The following DYNC2I2 variants were observed in gnomAD, a reference collection of about 807,000 sequenced individuals.
DYNC2I2 encodes dynein 2 intermediate chain 2.
A neutral mutation model predicts 52.0 loss-of-function variants in DYNC2I2; 39 were observed. The observed-to-expected ratio is 0.75, with a 90% CI of 0.58 to 0.98. The LOEUF (loss-of-function observed/expected upper bound fraction) is 0.98. Among genes scored for constraint, DYNC2I2 ranks in the 50% least tolerant of loss-of-function variants. The probability of loss-of-function intolerance (pLI) is 0.00; values close to 1 mark genes in which losing one functional copy is unlikely to be tolerated. For synonymous variants in DYNC2I2, 359 were observed against 321.1 expected, an observed-to-expected ratio of 1.12 and a Z score of -1.26; for missense variants, 743 against 728.4, an observed-to-expected ratio of 1.02 and a Z score of -0.23.
intron 2 of DYNC2I2, 130 bp from the exon 3 acceptor site, chr9:128,637,157 G>A (rs1161273997): frequency 7.9e-6 from 5 of 630,084 alleles, no homozygotes; most frequent in African/African-American, 3.7e-5. Flanking sequence ...AGGCCTAGAG[G>A]AAAATGTGGC....
At chr9:128,655,324 C>T (rs1365112835) in intron 1 of DYNC2I2, among the ~76,000 whole-genome samples, 1 of 28,586 alleles carries the variant, frequency 3.5e-5, no homozygotes, top group Non-Finnish European at 1.2e-4. Flanking sequence ...ACGGTGAAAC[C>T]CCGTCTCTAC....
At chr9:128,670,063 T>C in the DYNC2I2 span, among the ~76,000 whole-genome samples, 1 of 151,776 alleles carries the variant, frequency 6.6e-6, no homozygotes. Context: ...TTGCTTTGAC[T>C]GATGAGGCAG....
chr9:128,636,124 C>T (rs1317164343), intron 4 of DYNC2I2, 157 bp downstream of exon 4: 2 of 1,162,882 alleles, frequency 1.7e-6, no homozygotes, highest in African/African-American at 1.5e-5. Context: ...CCCCTCAGGG[C>T]TCACTGCAGA....
rs763975565 is a variant in DYNC2I2, at chr9:128,656,700, TG to T, written c.26del (p.Pro9HisfsTer115). On this transcript the variant is annotated frameshift_variant, in exon 1 of 9. Transcript: ENST00000372715. LOFTEE classifies it high-confidence loss of function. ...CACCAGCGCTTCCCGCCTGGCTGAG[TG>T]GCCCCGGCTGCGCGCGGGTTGCCAT... MATRAQPG[P>X]LSQAGSAGVA... 3.4e-6 allele frequency: 5 copies of T among 1,455,310 alleles called. No individual in the cohort carries two copies. Among genetic ancestry groups the T allele is most frequent in the Non-Finnish European group, 4.5e-6 (5 of 1,115,528 alleles). 90.1% of individuals were successfully genotyped at this position (1,455,310 alleles called of 1,614,324 possible). A position where few individuals can be genotyped will look rare whatever the true frequency, so the allele number is the denominator to read the frequency against.
Position 128,634,216 on chromosome 9 carries a change from C to T in DYNC2I2, c.1372+10G>A. 6.2e-7 allele frequency: 1 copy of T among 1,610,412 alleles called. No individual in the cohort carries two copies. ...CTTAAACAGATCCAGGCCTAGCGGC[C>T]CCTTCCTACCTTTCCCAGAGGCAGC... On this transcript the variant is annotated intron_variant, in intron 8 of 8. Transcript: ENST00000372715.
Position 128,635,172 on chromosome 9 carries a change from T to A in DYNC2I2, c.901A>T (p.Ile301Phe). 1 of 1,613,486 alleles carries A rather than the reference T, an allele frequency of 6.2e-7. No homozygotes were observed. The highest frequency in any genetic ancestry group is 1.1e-5 in the South Asian group (1 of 91,084). The change falls in exon 6 of 9, where the codon ATC (isoleucine) becomes TTC (phenylalanine). Residue 301 changes from isoleucine to phenylalanine, a missense_variant. Ile to Phe is a conservative substitution (Grantham distance 21). Coordinates refer to ENST00000372715, the MANE Select transcript of DYNC2I2 (RefSeq NM_052844.4). ...TDGKVLLWQG[I>F]GVGQLQLTEG... ...GTGAGCTGCAGCTGGCCTACCCCGA[T>A]GCCCTGCCAGAGTAGCACCTTCCCG...
rs748971234 is a variant in DYNC2I2, at chr9:128,656,631, C to T, written c.96G>A (p.Pro32=). The change falls in exon 1 of 9, where the codon CCG becomes CCA. Residue 32 remains proline, a synonymous_variant. Transcript: ENST00000372715. ...CGTCCTGCAGCGGCCCTGGCCGCCC[C>T]GGCCCCGGGCCGCTCGCAACCCCGA... ...ATVGVASGPG[P]GRPGPLQDET... The T allele has an allele frequency of 6.7e-7, 1 of 1,498,852 alleles. No individual in the cohort carries two copies. The highest frequency in any genetic ancestry group is 8.8e-7 in the Non-Finnish European group (1 of 1,131,862). The allele number at this position is 1,498,852 out of a possible 1,614,324, so 92.8% of individuals were successfully genotyped here.
chr9:128,660,178 G>A (rs1589440069), upstream of DYNC2I2, among the ~76,000 whole-genome samples: 2 of 151,692 alleles, frequency 1.3e-5, no homozygotes, highest in South Asian at 2.1e-4. Context: ...GCACGATCTC[G>A]GCTCACTGCA....
chr9:128,633,931 A>T lies in DYNC2I2; in HGVS notation c.1424T>A (p.Leu475Ter). 1 of 1,613,222 alleles carries T rather than the reference A, an allele frequency of 6.2e-7. No individual in the cohort carries two copies. The change falls in exon 9 of 9, where the codon TTG becomes TAG. Residue 475 changes from leucine (L) to a stop codon, truncating the protein, a stop_gained. Transcript: ENST00000372715. LOFTEE classifies it high-confidence loss of function. ...GCTTTCATCCTGGGTTTGCTTGATC[A>T]AAACTGTGGGTTTCTGGGAGCTTTT... The part of the protein sequence containing the change: ...LQKSSQKPTV[L>*]IKQTQDESPV...
chr9:128,654,604 C>G (rs1183631849), intron 1 of DYNC2I2, among the ~76,000 whole-genome samples: 4 of 152,096 alleles, frequency 2.6e-5, no homozygotes, highest in African/African-American at 9.7e-5. Context: ...GTTACCCAAA[C>G]TGGAACACAG....
chr9:128,635,713 G>A lies in DYNC2I2; in HGVS notation c.758C>T (p.Pro253Leu), dbSNP rs764655408. The change falls in exon 5 of 9, where the codon CCG becomes CTG. Residue 253 changes from proline (P) to leucine (L), a missense_variant. Coordinates refer to ENST00000372715, the MANE Select transcript of DYNC2I2 (RefSeq NM_052844.4). ...LVWDLSRLEDPLLWRTGLTDD... is the reference protein window; with the variant it reads ...LVWDLSRLEDLLLWRTGLTDD... ...CGTCAGGCCTGTGCGCCACAGCAGCGGGTCCTCAAGACGGCTCAGGTCCCA... is the reference window on the plus strand; with the variant it reads ...CGTCAGGCCTGTGCGCCACAGCAGCAGGTCCTCAAGACGGCTCAGGTCCCA... 16 of 1,612,992 alleles carry A rather than the reference G, an allele frequency of 9.9e-6. No homozygotes were observed. The highest frequency in any genetic ancestry group is 4.0e-5 in the African/African-American group (3 of 74,862).
chr9:128,661,019 C>T (rs1860911120), upstream of DYNC2I2, among the ~76,000 whole-genome samples: 1 of 151,990 alleles, frequency 6.6e-6, no homozygotes, highest in South Asian at 2.1e-4. Flanking sequence ...AAAGCCACTG[C>T]GCCAGGTCAA....
At chr9:128,646,825 A>T (rs1860625267) in intron 1 of DYNC2I2, among the ~76,000 whole-genome samples, 1 of 152,136 alleles carries the variant, frequency 6.6e-6, no homozygotes, top group Non-Finnish European at 1.5e-5. Context: ...TCTACAAAAG[A>T]TTTAAAAATT....
chr9:128,683,942 C>G, the DYNC2I2 span: 4 of 1,557,146 alleles, frequency 2.6e-6, no homozygotes, highest in East Asian at 9.7e-5. Flanking sequence ...AAGAAGAAAC[C>G]AAGACCACCT....
the DYNC2I2 span, among the ~76,000 whole-genome samples, chr9:128,676,030 G>C: frequency 6.6e-6 from 1 of 152,028 alleles, no homozygotes; most frequent in Non-Finnish European, 1.5e-5. Flanking sequence ...TAGCTGATTT[G>C]CTGGGGCACA....
At chr9:128,681,491 T>C in the DYNC2I2 span, among the ~76,000 whole-genome samples, 105 of 152,322 alleles carry the variant, frequency 6.9e-4, no homozygotes, top group African/African-American at 2.5e-3. Flanking sequence ...GTTTGTCTAT[T>C]ATGAATCTTG....
rs869197100 is a variant in DYNC2I2 at position 128,655,335 on chromosome 9, T to TAAAAAAAAAAAAAAAAAA, written c.186+1188_186+1205dup. On this transcript the variant is annotated intron_variant, in intron 1 of 8. Transcript: ENST00000372715. ...TAACACGGTGAAACCCCGTCTCTAC[T>TAAAAAAAAAAAAAAAAAA]AAAAAAAAAAAAAAAAAAAAAAAAA... 2.0e-3 allele frequency among the ~76,000 whole-genome samples: 37 copies of TAAAAAAAAAAAAAAAAAA among 18,688 alleles called. 12 individuals carry two copies. The highest frequency in any genetic ancestry group is 6.1e-3 in the East Asian group (5 of 822). The allele number at this position is 18,688 out of a possible 152,430, so 12.3% of individuals were successfully genotyped here.
intron 3 of DYNC2I2, 31 bp downstream of exon 3, chr9:128,636,887 G>T: frequency 6.4e-7 from 1 of 1,562,204 alleles, no homozygotes; most frequent in Non-Finnish European, 8.8e-7. Flanking sequence ...GGGGTGGCGA[G>T]CTGCCCCTCA....
chr9:128,640,487 GAAC>G (rs1444720173), intron 2 of DYNC2I2, among the ~76,000 whole-genome samples: 1 of 152,220 alleles, frequency 6.6e-6, no homozygotes, highest in East Asian at 1.9e-4. Flanking sequence ...AAAGTGGACA[GAAC>G]AATACCGACC....
Sources: allele counts gnomAD v4.1 joint callset (sites outside exome capture counted in the v4.1 genomes callset), GRCh38; gene constraint gnomAD v4.1.1; transcripts MANE v1.5; gene names NCBI Gene and HGNC (gene_info 2026-07-23, HGNC 2026-07-21).